ROR1: variants seen among roughly 807,000 people sequenced by gnomAD.
ROR1 encodes the protein ROR family WNT receptor 1.
In ROR1, 19 loss-of-function variants were observed where a neutral mutation model predicts 78.8. The ratio of observed to expected loss-of-function variants is 0.24; its 90% CI spans 0.17 to 0.35. The LOEUF is 0.35. Ranked by LOEUF, ROR1 falls within the 10% of genes least tolerant of loss-of-function variation. The pLI, the probability that ROR1 is intolerant of heterozygous loss-of-function variation, is 1.00. For synonymous variants in ROR1, 386 were observed against 433.6 expected (o/e 0.89, Z 1.36); for missense variants, 917 against 1,177.8 (o/e 0.78, Z 3.24).
At chr1:63,797,895 AACCTTTGAGAGG>A (rs1644771377) in intron 1 of ROR1, among the ~76,000 whole-genome samples, 1 of 150,090 alleles carries the variant, frequency 6.7e-6, no homozygotes, top group Non-Finnish European at 1.5e-5. Flanking sequence ...TCTTCAGGAT[AACCTTTGAGAGG>A]ACAGACGACC....
chr1:64,021,590 G>A lies in ROR1; in HGVS notation c.163+12214G>A, dbSNP rs190716039. ...GAAAACAAGTTCAAGGTAAAGTGAC[G>A]CAGCTAGTAAATGGCAGAGCCAGAA... On this transcript the variant is annotated intron_variant, in intron 2 of 8. Coordinates refer to ENST00000371079, the MANE Select transcript of ROR1 (RefSeq NM_005012.4). Among the ~76,000 whole-genome samples, 582 of 152,314 alleles carry A rather than the reference G, an allele frequency of 3.8e-3. 6 individuals are homozygous for A. The highest frequency in any genetic ancestry group is 0.013 in the African/African-American group (548 of 41,574).
intron 1 of ROR1, among the ~76,000 whole-genome samples, chr1:63,914,242 C>T (rs943930302): frequency 6.6e-6 from 1 of 152,196 alleles, no homozygotes; most frequent in Admixed American, 6.5e-5. Flanking sequence ...TAGAAACAGG[C>T]TTTCTAGCTG....
chr1:64,164,189 C>T (rs903684646), intron 8 of ROR1, among the ~76,000 whole-genome samples: 2 of 152,146 alleles, frequency 1.3e-5, no homozygotes, highest in Non-Finnish European at 2.9e-5. Context: ...TCTAGCTCCC[C>T]CTTGAGTGTA....
intron 1 of ROR1, chr1:63,843,551 G>A (rs528954840): frequency 1.8e-5 from 13 of 732,616 alleles, no homozygotes; most frequent in Admixed American, 3.6e-5. Context: ...CCAGGATGAT[G>A]TTCTTCTTGT....
chr1:64,085,109 C>G (rs1031713998), intron 4 of ROR1, among the ~76,000 whole-genome samples: 1 of 152,026 alleles, frequency 6.6e-6, no homozygotes, highest in Admixed American at 6.6e-5. Context: ...TTTTACAAAC[C>G]TCATAAAAAT....
At chr1:64,052,108 A>G (rs958648058) in intron 4 of ROR1, among the ~76,000 whole-genome samples, 7 of 152,172 alleles carry the variant, frequency 4.6e-5, no homozygotes, top group African/African-American at 1.7e-4. Context: ...CTACTTGCCC[A>G]GGTAGAAAAT....
Position 63,834,274 on chromosome 1 carries a change from T to C in ROR1, c.91+59766T>C, listed in dbSNP as rs535433859. 4.6e-5 allele frequency among the ~76,000 whole-genome samples: 7 copies of C among 151,870 alleles called. No individual in the cohort carries two copies. In the East Asian group the frequency reaches 1.2e-3, roughly 25 times the overall value. ...TACTCTGAGCCTGCAAACTAGAGAG[T>C]CTAGTGTGGTGTCTCTAGAAGAATT... On this transcript the variant is annotated intron_variant, in intron 1 of 8. Coordinates refer to ENST00000371079, the MANE Select transcript of ROR1 (RefSeq NM_005012.4).
At chr1:63,851,240 A>G (rs892550987) in intron 1 of ROR1, among the ~76,000 whole-genome samples, 10 of 152,170 alleles carry the variant, frequency 6.6e-5, no homozygotes, top group African/African-American at 2.4e-4. Context: ...GGCCTCCTAA[A>G]GTACTGGGAT....
chr1:64,137,272 C>G, intron 4 of ROR1, 97 bp from the exon 5 acceptor site: 11 of 1,301,052 alleles, frequency 8.5e-6, no homozygotes, highest in Non-Finnish European at 1.2e-5. Flanking sequence ...CCCAACTGTG[C>G]CCCCTAGTGA....
intron 4 of ROR1, among the ~76,000 whole-genome samples, chr1:64,135,244 A>G (rs1649063484): frequency 6.6e-6 from 1 of 152,196 alleles, no homozygotes; most frequent in Non-Finnish European, 1.5e-5. Flanking sequence ...TATTCTGAAA[A>G]AAAGTATTCA....
At chr1:64,029,624 C>T (rs1271298346) in intron 2 of ROR1, among the ~76,000 whole-genome samples, 1 of 152,182 alleles carries the variant, frequency 6.6e-6, no homozygotes, top group Non-Finnish European at 1.5e-5. Flanking sequence ...TGGCGTCTTG[C>T]TCTGCCCTTA....
intron 2 of ROR1, among the ~76,000 whole-genome samples, chr1:64,019,937 A>G (rs1006858844): frequency 1.3e-5 from 2 of 152,232 alleles, no homozygotes; most frequent in African/African-American, 4.8e-5. Flanking sequence ...CTAAATGCCT[A>G]CAAGTGTCCT....
chr1:63,783,459 G>A (rs1439223311), intron 1 of ROR1, among the ~76,000 whole-genome samples: 2 of 152,100 alleles, frequency 1.3e-5, no homozygotes, highest in African/African-American at 2.4e-5. Flanking sequence ...AGCATACTGT[G>A]GGCCAAGTAC....
chr1:64,110,087 G>A (rs1648026481), intron 4 of ROR1, among the ~76,000 whole-genome samples: 4 of 152,102 alleles, frequency 2.6e-5, no homozygotes, highest in Admixed American at 2.6e-4. Context: ...TGTTCCATGA[G>A]GCCAGGTATT....
At chr1:63,806,972 A>G (rs1162006267) in intron 1 of ROR1, among the ~76,000 whole-genome samples, 1 of 152,204 alleles carries the variant, frequency 6.6e-6, no homozygotes, top group Non-Finnish European at 1.5e-5. Flanking sequence ...GGTTCTTTGC[A>G]TAAATGATTT....
chr1:63,787,716 G>A (rs770236286), intron 1 of ROR1, among the ~76,000 whole-genome samples: 3 of 152,010 alleles, frequency 2.0e-5, no homozygotes, highest in Non-Finnish European at 2.9e-5. Context: ...TAGTAGAGAC[G>A]GGTTTTGCCA....
chr1:63,916,080 T>C (rs548380464), intron 1 of ROR1, among the ~76,000 whole-genome samples: 7 of 152,202 alleles, frequency 4.6e-5, no homozygotes, highest in Non-Finnish European at 1.0e-4. Flanking sequence ...TTTATGCTAC[T>C]CCCAAAGCTT....
intron 1 of ROR1, among the ~76,000 whole-genome samples, chr1:63,959,360 G>A (rs950140060): frequency 1.3e-5 from 2 of 152,146 alleles, no homozygotes; most frequent in African/African-American, 4.8e-5. Context: ...ATATCAAGAT[G>A]ATACTGGGTA....
At chr1:64,110,140 G>A (rs1163498544) in intron 4 of ROR1, among the ~76,000 whole-genome samples, 4 of 152,248 alleles carry the variant, frequency 2.6e-5, no homozygotes, top group Middle Eastern at 3.4e-3. Context: ...TCAAATATTC[G>A]TGGAGTTGAT....
Sources: gnomAD v4.1 joint callset for allele counts (sites outside exome capture counted in the v4.1 genomes callset) on GRCh38, gnomAD v4.1.1 for gene constraint, MANE v1.5 for transcripts, NCBI Gene and HGNC (gene_info 2026-07-23, HGNC 2026-07-21) for gene names.